TTC28: variants seen among roughly 807,000 people sequenced by gnomAD.
TTC28 encodes the protein tetratricopeptide repeat domain 28.
TTC28 carries 61 observed loss-of-function variants against 198.0 expected under a neutral mutation model. The ratio of observed to expected loss-of-function variants is 0.31; its 90% confidence interval spans 0.25 to 0.38. TTC28 has a LOEUF of 0.38. Ranked by LOEUF, TTC28 falls within the 10% of genes least tolerant of loss-of-function variation. TTC28 has a pLI of 1.00. For missense variants in TTC28, 2,678 were observed against 3,164.0 expected (o/e 0.85, Z 3.69); for synonymous variants, 1,171 against 1,297.8 (o/e 0.90, Z 2.10).
chr22:27,982,152 G>C lies in TTC28; in HGVS notation c.*69C>G. ...GTGGCTGTGGGGGGACTGCACTCAG[G>C]GAAGGGCTGAAGCAAACGCCAGGCC... On this transcript the variant is annotated 3_prime_UTR_variant, in exon 23 of 23. Coordinates refer to ENST00000397906, the MANE Select transcript of TTC28 (RefSeq NM_001145418.2). This position sits in a 1 kb window ranked among gnomAD's most constrained non-coding sequence, Gnocchi z 5.2. 1.4e-6 allele frequency: 2 copies of C among 1,426,558 alleles called. No individual in the cohort carries two copies. Among genetic ancestry groups the C allele is most frequent in the Non-Finnish European group, 1.9e-6 (2 of 1,079,506 alleles). 88.4% of individuals were successfully genotyped at this position (1,426,558 alleles called of 1,614,324 possible).
At chr22:28,380,003 A>G (rs134527) in intron 2 of TTC28, among the ~76,000 whole-genome samples, 81,406 of 150,776 alleles carry the variant, frequency 0.54, 22,579 homozygotes, top group East Asian at 0.66. Context: ...ACGGGCTACA[A>G]TTTAGTCAAT....
chr22:28,301,307 C>A (rs528261546), intron 3 of TTC28, among the ~76,000 whole-genome samples: 27 of 152,294 alleles, frequency 1.8e-4, no homozygotes, highest in Non-Finnish European at 2.8e-4. Flanking sequence ...CAGCCTATAG[C>A]TATTAAGATG....
intron 2 of TTC28, among the ~76,000 whole-genome samples, chr22:28,356,423 G>C (rs997055611): frequency 3.9e-5 from 6 of 152,174 alleles, no homozygotes; most frequent in African/African-American, 1.4e-4. Flanking sequence ...TTATTTCATA[G>C]GGCAGCCACA....
intron 2 of TTC28, among the ~76,000 whole-genome samples, chr22:28,506,628 G>A (rs1027535606): frequency 1.3e-5 from 2 of 152,072 alleles, no homozygotes; most frequent in Admixed American, 6.5e-5. Context: ...CCCAACAGGG[G>A]TCTCCAGTCA....
At chr22:28,576,622 C>T (rs771905662) in intron 2 of TTC28, among the ~76,000 whole-genome samples, 17 of 151,930 alleles carry the variant, frequency 1.1e-4, no homozygotes, top group Non-Finnish European at 4.4e-5. Context: ...CCTGGGGTTT[C>T]CTTTGCAGGG....
intron 5 of TTC28, among the ~76,000 whole-genome samples, chr22:28,289,367 C>A (rs2044744527): frequency 6.6e-6 from 1 of 152,112 alleles, no homozygotes; most frequent in South Asian, 2.1e-4. Flanking sequence ...TATCTCTAAT[C>A]CTATGTAATT....
chr22:28,390,324 T>C (rs1030234251), intron 2 of TTC28, among the ~76,000 whole-genome samples: 46 of 152,248 alleles, frequency 3.0e-4, no homozygotes, highest in African/African-American at 1.1e-3. Context: ...ATTCTGTTGA[T>C]TTGGGGTGGA....
chr22:28,203,391 A>C (rs1230142598), intron 5 of TTC28, among the ~76,000 whole-genome samples: 2 of 152,162 alleles, frequency 1.3e-5, no homozygotes, highest in African/African-American at 2.4e-5. Context: ...CACTCAAAAA[A>C]TGGTAGCTAT....
intron 5 of TTC28, among the ~76,000 whole-genome samples, chr22:28,263,060 G>A (rs1050350570): frequency 1.1e-4 from 16 of 152,272 alleles, no homozygotes; most frequent in African/African-American, 3.6e-4. Context: ...GACTTGAAAA[G>A]TCCAAAGTGG....
chr22:28,507,945 AC>A (rs1391114016), intron 2 of TTC28, among the ~76,000 whole-genome samples: 1 of 152,204 alleles, frequency 6.6e-6, no homozygotes, highest in Non-Finnish European at 1.5e-5. Context: ...ACCAGCCACT[AC>A]AAAAACACAC....
intron 17 of TTC28, among the ~76,000 whole-genome samples, chr22:27,994,269 C>T (rs1346488389): frequency 6.9e-6 from 1 of 145,288 alleles, no homozygotes; most frequent in African/African-American, 2.6e-5. Flanking sequence ...CATAGCGAGA[C>T]CCCAGCTCTA....
chr22:28,172,773 T>C (rs747570269), intron 5 of TTC28, among the ~76,000 whole-genome samples: 2 of 152,208 alleles, frequency 1.3e-5, no homozygotes, highest in South Asian at 2.1e-4. Flanking sequence ...GCACACATCA[T>C]TGCCTCTGAA....
intron 2 of TTC28, among the ~76,000 whole-genome samples, chr22:28,551,337 C>T (rs1005855748): frequency 6.6e-6 from 1 of 152,012 alleles, no homozygotes; most frequent in Non-Finnish European, 1.5e-5. Flanking sequence ...TGACACTATT[C>T]CAAAAGATAG....
intron 2 of TTC28, among the ~76,000 whole-genome samples, chr22:28,560,820 T>C (rs1036365735): frequency 1.4e-5 from 2 of 147,746 alleles, no homozygotes; most frequent in African/African-American, 5.0e-5. Flanking sequence ...TGCAGTGGCA[T>C]GTCTCGGCTC....
chr22:28,391,143 T>C (rs1214397581), intron 2 of TTC28, among the ~76,000 whole-genome samples: 4 of 152,204 alleles, frequency 2.6e-5, no homozygotes, highest in Non-Finnish European at 5.9e-5. Flanking sequence ...TGAAAATTCT[T>C]TTCTTTAAGA....
chr22:28,678,819 A>C (rs925020242), intron 1 of TTC28, among the ~76,000 whole-genome samples: 46 of 152,196 alleles, frequency 3.0e-4, no homozygotes, highest in African/African-American at 1.1e-3. Context: ...TCCTGCTTGC[A>C]GGAAGCCTAC....
intron 2 of TTC28, among the ~76,000 whole-genome samples, chr22:28,324,848 C>T (rs1290111457): frequency 6.6e-6 from 1 of 152,304 alleles, no homozygotes; most frequent in Admixed American, 6.5e-5. Flanking sequence ...GATGCCCTCT[C>T]TCACCACTCC....
chr22:28,299,952 G>A lies in TTC28; in HGVS notation c.530-2100C>T, dbSNP rs147355645. 7.1e-3 allele frequency among the ~76,000 whole-genome samples: 1,078 copies of A among 152,242 alleles called. 12 individuals carry two copies. Among genetic ancestry groups the A allele is most frequent in the African/African-American group, 0.025 (1,039 of 41,526 alleles). ...ACTACTGGGAAAGGTGGAAAACCAG[G>A]CGTCCAAACCCTCAGTCAAAATCAT... On this transcript the variant is annotated intron_variant, in intron 3 of 22. Transcript: ENST00000397906.
chr22:28,290,182 G>A (rs753183521), intron 5 of TTC28, among the ~76,000 whole-genome samples: 8 of 152,112 alleles, frequency 5.3e-5, no homozygotes, highest in South Asian at 2.1e-4. Flanking sequence ...TTCTTCCCAC[G>A]CATAGCATTT....
Sources: allele counts gnomAD v4.1 joint callset (sites outside exome capture counted in the v4.1 genomes callset), GRCh38; gene constraint gnomAD v4.1.1; non-coding constraint Gnocchi (gnomAD v3.1); transcripts MANE v1.5; gene names NCBI Gene and HGNC (gene_info 2026-07-23, HGNC 2026-07-21).